Variants in PCDH9 observed in about 807,000 individuals in gnomAD.
PCDH9 encodes the protein protocadherin-9.
Under a neutral mutation model 70.6 loss-of-function variants are expected in PCDH9, and 24 were observed. The observed-to-expected ratio is 0.34, with a 90% confidence interval of 0.25 to 0.48. PCDH9 has a LOEUF of 0.48. Ranked by LOEUF, PCDH9 falls within the 20% of genes least tolerant of loss-of-function variation. PCDH9 has a pLI of 0.99. For missense variants in PCDH9, 1,281 were observed against 1,503.6 expected (o/e 0.85, Z 2.45); for synonymous variants, 562 against 558.5 (o/e 1.01, Z -0.09).
At chr13:66,341,099 G>T (rs1299867741) in intron 4 of PCDH9, among the ~76,000 whole-genome samples, 2 of 151,946 alleles carry the variant, frequency 1.3e-5, no homozygotes, top group African/African-American at 4.8e-5. Flanking sequence ...AAAATGACTT[G>T]CTTTATTTTA....
intron 4 of PCDH9, among the ~76,000 whole-genome samples, chr13:66,531,106 T>A (rs1282274402): frequency 1.8e-5 from 1 of 56,170 alleles, no homozygotes; most frequent in African/African-American, 4.2e-5. Flanking sequence ...AAAAAAAAAA[T>A]CCATTTTTTT....
chr13:66,875,965 T>C (rs2081799706), intron 3 of PCDH9, among the ~76,000 whole-genome samples: 1 of 152,170 alleles, frequency 6.6e-6, no homozygotes, highest in Non-Finnish European at 1.5e-5. Context: ...AATGCCTATG[T>C]TTTATAAAAC....
intron 4 of PCDH9, among the ~76,000 whole-genome samples, chr13:66,380,653 C>T (rs1956831653): frequency 6.7e-6 from 1 of 149,434 alleles, no homozygotes; most frequent in Admixed American, 6.9e-5. Context: ...ACGCCATTCT[C>T]CTGCCTCAGC....
At chr13:66,848,201 G>C (rs1029622503) in intron 3 of PCDH9, among the ~76,000 whole-genome samples, 1 of 151,988 alleles carries the variant, frequency 6.6e-6, no homozygotes, top group Non-Finnish European at 1.5e-5. Context: ...TATTAGAAGA[G>C]AATATTAAAA....
chr13:66,582,405 G>A (rs965074909), intron 4 of PCDH9, among the ~76,000 whole-genome samples: 9 of 152,148 alleles, frequency 5.9e-5, no homozygotes, highest in Non-Finnish European at 8.8e-5. Flanking sequence ...GGTCAAGGCA[G>A]GAGGACCAAT....
At chr13:67,143,222 T>C (rs1274142606) in intron 2 of PCDH9, among the ~76,000 whole-genome samples, 1 of 152,156 alleles carries the variant, frequency 6.6e-6, no homozygotes, top group Non-Finnish European at 1.5e-5. Context: ...GTGATTATTG[T>C]TTTAATAACT....
chr13:66,500,018 C>T (rs1959168352), intron 4 of PCDH9, among the ~76,000 whole-genome samples: 1 of 152,202 alleles, frequency 6.6e-6, no homozygotes, highest in African/African-American at 2.4e-5. Context: ...CCTGCAGAAA[C>T]TGAGCCAAAT....
chr13:66,501,886 ACT>A (rs1244055254), intron 4 of PCDH9, among the ~76,000 whole-genome samples: 1 of 152,022 alleles, frequency 6.6e-6, no homozygotes, highest in Non-Finnish European at 1.5e-5. Context: ...TTCTGACAAA[ACT>A]CTGTAATCTA....
intron 4 of PCDH9, among the ~76,000 whole-genome samples, chr13:66,437,290 C>G (rs1164609218): frequency 1.3e-5 from 2 of 149,628 alleles, no homozygotes; most frequent in Non-Finnish European, 3.0e-5. Flanking sequence ...GCCTGTAGTC[C>G]CAGCTACTCA....
chr13:67,217,017 A>G (rs192490782), intron 2 of PCDH9: 1 of 152,132 alleles, frequency 6.6e-6, no homozygotes, highest in Non-Finnish European at 1.5e-5. Flanking sequence ...TGCACCTTCT[A>G]CAAAAAGTTT....
At chr13:67,085,020 A>ATATATG (rs1353990019) in intron 2 of PCDH9, among the ~76,000 whole-genome samples, 3 of 125,034 alleles carry the variant, frequency 2.4e-5, no homozygotes, top group African/African-American at 8.9e-5. Context: ...ATATATATAT[A>ATATATG]TATGTATATG....
chr13:66,686,187 C>T (rs1042769886), intron 3 of PCDH9, among the ~76,000 whole-genome samples: 4 of 152,048 alleles, frequency 2.6e-5, no homozygotes, highest in Admixed American at 1.3e-4. Flanking sequence ...TGAGAGGGAC[C>T]CAGTGGGAGG....
At chr13:67,088,085 G>C (rs987687686) in intron 2 of PCDH9, among the ~76,000 whole-genome samples, 5 of 146,942 alleles carry the variant, frequency 3.4e-5, no homozygotes, top group Non-Finnish European at 7.5e-5. Flanking sequence ...TAGGGAATTT[G>C]GTCTATTTCA....
At chr13:66,431,327 A>G (rs531358213) in intron 4 of PCDH9, among the ~76,000 whole-genome samples, 1 of 152,202 alleles carries the variant, frequency 6.6e-6, no homozygotes, top group East Asian at 1.9e-4. Context: ...CAATACTACA[A>G]GTATTAATAT....
chr13:66,628,353 A>G (rs1272695025), intron 4 of PCDH9, among the ~76,000 whole-genome samples: 1 of 152,232 alleles, frequency 6.6e-6, no homozygotes, highest in African/African-American at 2.4e-5. Flanking sequence ...CAAACAAAAA[A>G]TGAAATGAAA....
intron 4 of PCDH9, among the ~76,000 whole-genome samples, chr13:66,451,023 A>T (rs1280322762): frequency 6.6e-6 from 1 of 152,174 alleles, no homozygotes; most frequent in Non-Finnish European, 1.5e-5. Context: ...TCTCAAAAAC[A>T]AAAAAGGGAT....
intron 3 of PCDH9, among the ~76,000 whole-genome samples, chr13:66,654,288 A>C (rs895671431): frequency 6.6e-6 from 1 of 152,114 alleles, no homozygotes; most frequent in Non-Finnish European, 1.5e-5. Context: ...ATGGAGATAG[A>C]GCGTAGAAGA....
At chr13:67,204,667 A>C (rs2089296543) in intron 2 of PCDH9, 1 of 152,206 alleles carries the variant, frequency 6.6e-6, no homozygotes, top group Non-Finnish European at 1.5e-5. Flanking sequence ...AATAGGCATA[A>C]TGTCACTACA....
intron 4 of PCDH9, among the ~76,000 whole-genome samples, chr13:66,462,835 C>T (rs1594019945): frequency 6.6e-6 from 1 of 151,746 alleles, no homozygotes; most frequent in African/African-American, 2.4e-5. Flanking sequence ...GGGAGAAAGT[C>T]ACTCCTATTT....
Sources: gnomAD v4.1 joint callset for allele counts (sites outside exome capture counted in the v4.1 genomes callset) on GRCh38, gnomAD v4.1.1 for gene constraint, MANE v1.5 for transcripts, NCBI Gene and HGNC (gene_info 2026-07-23, HGNC 2026-07-21) for gene names.